DSCAML1: variants seen among roughly 807,000 people sequenced by gnomAD.
DSCAML1 encodes cell adhesion molecule DSCAML1.
A neutral mutation model predicts 200.5 loss-of-function variants in DSCAML1; 38 were observed. That is an observed-to-expected ratio of 0.19 (90% CI 0.15 to 0.25). The LOEUF (loss-of-function observed/expected upper bound fraction) is 0.25, where lower values mean the gene tolerates loss of function less well. Among genes scored for constraint, DSCAML1 ranks in the 10% least tolerant of loss-of-function variants. The pLI, the probability that DSCAML1 is intolerant of heterozygous loss-of-function variation, is 1.00. For missense variants in DSCAML1, 2,223 were observed against 2,858.8 expected (o/e 0.78, Z 5.07); for synonymous variants, 1,215 against 1,165.0 (o/e 1.04, Z -0.87).
At chr11:117,562,715 T>A (rs2050686811) in intron 3 of DSCAML1, among the ~76,000 whole-genome samples, 1 of 152,182 alleles carries the variant, frequency 6.6e-6, no homozygotes, top group South Asian at 2.1e-4. Context: ...ACTTTTCTCC[T>A]CAGTTCCTTC....
chr11:117,647,411 G>A (rs372450981), intron 3 of DSCAML1, among the ~76,000 whole-genome samples: 1 of 152,178 alleles, frequency 6.6e-6, no homozygotes, highest in East Asian at 1.9e-4. Flanking sequence ...TGGGCCACAG[G>A]GACAGCCAGC....
chr11:117,469,963 T>C lies in DSCAML1; in HGVS notation c.2971A>G (p.Met991Val). The C allele has an allele frequency of 2.5e-6, 4 of 1,605,558 alleles. No individual in the cohort carries two copies. The highest frequency in any genetic ancestry group is 3.4e-6 in the Non-Finnish European group (4 of 1,174,492). The part of the protein sequence containing the change: ...TEEAAPDGPP[M>V]DVTLQPVTSQ... The stretch of plus-strand genomic sequence containing the variant: ...GTCACTGGCTGCAAGGTAACATCCA[T>C]GGGGGGCCCATCGGGAGCTGAGCAG... The change falls in exon 16 of 33, where the codon ATG becomes GTG. Residue 991 changes from methionine to valine, a missense_variant. By Grantham distance (21) the Met-to-Val change is conservative. Transcript: ENST00000651296. The surrounding 1 kb of genome is among the most constrained non-coding windows in gnomAD (Gnocchi z 4.1).
Position 117,518,353 on chromosome 11 carries a change from A to G in DSCAML1, c.1510+113T>C, listed in dbSNP as rs960831696. On this transcript the variant is annotated intron_variant, in intron 7 of 32. Coordinates refer to ENST00000651296, the MANE Select transcript of DSCAML1 (RefSeq NM_020693.4). This position sits in a 1 kb window ranked among gnomAD's most constrained non-coding sequence, Gnocchi z 6.3. ...GAGAGAGGGGAGAGAGACCTCTACT[A>G]AAATCAAAATGACGATTAATAATAA... 1.7e-5 allele frequency: 24 copies of G among 1,452,552 alleles called. No homozygotes were observed. In the African/African-American group the frequency reaches 3.2e-4, roughly 19 times the overall value. The allele number at this position is 1,452,552 out of a possible 1,614,324, so 90.0% of individuals were successfully genotyped here. A position where few individuals can be genotyped will look rare whatever the true frequency, so the allele number is the denominator to read the frequency against.
intron 3 of DSCAML1, among the ~76,000 whole-genome samples, chr11:117,573,756 G>T (rs1389808971): frequency 6.6e-6 from 1 of 152,248 alleles, no homozygotes; most frequent in East Asian, 1.9e-4. Context: ...GACAGCCAAA[G>T]GGTGGTATCT....
At chr11:117,506,547 CTTTTTT>C (rs5795089) in intron 8 of DSCAML1, among the ~76,000 whole-genome samples, 7 of 96,862 alleles carry the variant, frequency 7.2e-5, no homozygotes, top group East Asian at 6.2e-4. Flanking sequence ...CAAGAGATAA[CTTTTTT>C]TTTTTTTTTT....
intron 1 of DSCAML1, among the ~76,000 whole-genome samples, chr11:117,791,141 A>C (rs147924078): frequency 1.2e-3 from 177 of 152,290 alleles, no homozygotes; most frequent in Admixed American, 1.9e-3. Flanking sequence ...AACAAGGCAC[A>C]CAGGCTGTGG....
At chr11:117,510,060 G>T (rs1250913674) in intron 8 of DSCAML1, among the ~76,000 whole-genome samples, 1 of 152,238 alleles carries the variant, frequency 6.6e-6, no homozygotes. Flanking sequence ...CACAGTGGTC[G>T]AGGCAGGCCA....
At chr11:117,809,630 T>TG (rs886512055) in intron 1 of DSCAML1, among the ~76,000 whole-genome samples, 80 of 152,314 alleles carry the variant, frequency 5.3e-4, no homozygotes, top group African/African-American at 1.9e-3. Flanking sequence ...GCTCACTCCC[T>TG]GCCCCAGCCT....
chr11:117,449,067 G>A (rs1039298398), intron 20 of DSCAML1, among the ~76,000 whole-genome samples: 3 of 152,140 alleles, frequency 2.0e-5, no homozygotes, highest in Non-Finnish European at 4.4e-5. Context: ...ACAACAACGC[G>A]AATGAAATTC....
intron 3 of DSCAML1, among the ~76,000 whole-genome samples, chr11:117,737,761 G>A (rs915374205): frequency 4.6e-5 from 7 of 152,200 alleles, no homozygotes; most frequent in East Asian, 3.8e-4. Flanking sequence ...ATTCGCGGAG[G>A]GGTTTATGAA....
intron 3 of DSCAML1, among the ~76,000 whole-genome samples, chr11:117,704,301 G>A (rs1176963962): frequency 6.6e-6 from 1 of 152,112 alleles, no homozygotes; most frequent in African/African-American, 2.4e-5. Context: ...GAAAAGCTCA[G>A]TGTCCTCACA....
chr11:117,795,751 G>A (rs773222018), intron 1 of DSCAML1, among the ~76,000 whole-genome samples: 5 of 152,096 alleles, frequency 3.3e-5, no homozygotes, highest in African/African-American at 9.7e-5. Context: ...ACGATGTATC[G>A]CAGTGGGCTC....
chr11:117,481,282 CCAGCAGGGG>C lies in DSCAML1; in HGVS notation c.2560-21_2560-13del. The stretch of plus-strand genomic sequence containing the variant: ...TCAGCGGGCTTGAGCTGGGAGACCA[CCAGCAGGGG>C]CAGGAGAGGGAGTAAACAGGGAGAG... On this transcript the variant is annotated splice_polypyrimidine_tract_variant and intron_variant, in intron 12 of 32. Coordinates refer to ENST00000651296, the MANE Select transcript of DSCAML1 (RefSeq NM_020693.4). 1 of 1,613,116 alleles carries C rather than the reference CCAGCAGGGG, an allele frequency of 6.2e-7. No individual in the cohort carries two copies. The highest frequency in any genetic ancestry group is 8.5e-7 in the Non-Finnish European group (1 of 1,179,692).
At chr11:117,769,527 A>T (rs868054608) in intron 3 of DSCAML1, among the ~76,000 whole-genome samples, 25 of 65,740 alleles carry the variant, frequency 3.8e-4, no homozygotes, top group Non-Finnish European at 4.9e-4. Flanking sequence ...TATTATATAT[A>T]TTTTATATAT....
chr11:117,462,452 C>T (rs1472356124), intron 17 of DSCAML1, among the ~76,000 whole-genome samples: 2 of 152,170 alleles, frequency 1.3e-5, no homozygotes, highest in Non-Finnish European at 1.5e-5. Flanking sequence ...TGCTGGCATC[C>T]GAGGGCCAGG....
At chr11:117,432,242 A>T in intron 30 of DSCAML1, 110 bp downstream of exon 30, 7 of 1,265,914 alleles carry the variant, frequency 5.5e-6, no homozygotes, top group Admixed American at 3.0e-5. Flanking sequence ...TTTGCATTCT[A>T]TTCCATTAAG....
chr11:117,584,939 A>T (rs2051113893), intron 3 of DSCAML1, among the ~76,000 whole-genome samples: 1 of 152,244 alleles, frequency 6.6e-6, no homozygotes, highest in Non-Finnish European at 1.5e-5. Flanking sequence ...GATACTTGGC[A>T]CAGGACAAGT....
chr11:117,457,235 G>C (rs778755124), intron 19 of DSCAML1, among the ~76,000 whole-genome samples: 1 of 152,188 alleles, frequency 6.6e-6, no homozygotes, highest in African/African-American at 2.4e-5. Context: ...CTTTGGGCCC[G>C]GGCTCCTGCT....
chr11:117,691,628 G>A (rs571286820), intron 3 of DSCAML1, among the ~76,000 whole-genome samples: 9 of 152,252 alleles, frequency 5.9e-5, no homozygotes, highest in Admixed American at 2.6e-4. Context: ...GTGGGAAGTC[G>A]GATTCGTTCC....
Sources: gnomAD v4.1 joint callset for allele counts (sites outside exome capture counted in the v4.1 genomes callset) on GRCh38, gnomAD v4.1.1 for gene constraint, Gnocchi (gnomAD v3.1) non-coding constraint, MANE v1.5 for transcripts, NCBI Gene and HGNC (gene_info 2026-07-23, HGNC 2026-07-21) for gene names.